Variants in MEI4 observed in about 807,000 individuals in gnomAD.
MEI4 encodes the protein meiotic double-stranded break formation protein 4, also known as meiosis-specific protein MEI4.
A neutral mutation model predicts 31.4 loss-of-function variants in MEI4; 27 were observed. That is an observed-to-expected ratio of 0.86 (90% CI 0.63 to 1.19). The LOEUF is 1.19. Among genes scored for constraint, MEI4 ranks in the 50% most tolerant of loss-of-function variants. The probability of loss-of-function intolerance (pLI) is 0.00; values close to 1 mark genes in which losing one functional copy is unlikely to be tolerated. For missense variants in MEI4, 329 were observed against 398.9 expected, an observed-to-expected ratio of 0.82 and a Z score of 1.49; for synonymous variants, 122 against 145.4, an observed-to-expected ratio of 0.84 and a Z score of 1.16.
chr6:77,747,610 C>A (rs186034434), intron 2 of MEI4, among the ~76,000 whole-genome samples: 2 of 152,220 alleles, frequency 1.3e-5, no homozygotes, highest in Non-Finnish European at 2.9e-5. Context: ...TCCCTTGATA[C>A]ATGGGGATTA....
At chr6:77,882,534 T>A (rs1385180086) in intron 4 of MEI4, among the ~76,000 whole-genome samples, 1 of 152,186 alleles carries the variant, frequency 6.6e-6, no homozygotes, top group Non-Finnish European at 1.5e-5. Context: ...ATTTTCACTT[T>A]TAGGAATGTC....
intron 4 of MEI4, among the ~76,000 whole-genome samples, chr6:77,877,522 A>G (rs181937601): frequency 1.3e-5 from 2 of 151,980 alleles, no homozygotes; most frequent in Non-Finnish European, 1.5e-5. Context: ...AGATTTTCCA[A>G]CCTTTTTGAC....
chr6:77,774,946 G>C (rs1322537079), intron 3 of MEI4, among the ~76,000 whole-genome samples: 1 of 152,038 alleles, frequency 6.6e-6, no homozygotes, highest in African/African-American at 2.4e-5. Context: ...ATATCTTCCT[G>C]TAGCATGAAA....
At chr6:77,745,890 A>C (rs1182609049) in intron 2 of MEI4, among the ~76,000 whole-genome samples, 1 of 152,238 alleles carries the variant, frequency 6.6e-6, no homozygotes, top group Non-Finnish European at 1.5e-5. Flanking sequence ...TAATGAAATG[A>C]AGGGAGAAAT....
chr6:77,783,860 A>C (rs1267668712), intron 3 of MEI4, among the ~76,000 whole-genome samples: 1 of 152,176 alleles, frequency 6.6e-6, no homozygotes, highest in Non-Finnish European at 1.5e-5. Context: ...TCCACTTATC[A>C]ATATATGTTT....
chr6:77,790,363 C>T (rs1187872379), intron 3 of MEI4, among the ~76,000 whole-genome samples: 5 of 151,474 alleles, frequency 3.3e-5, no homozygotes, highest in Admixed American at 6.6e-5. Context: ...GTAACCTGCA[C>T]GTTGTGCACA....
chr6:77,923,331 A>C lies in MEI4; in HGVS notation c.1143A>C (p.Glu381Asp), dbSNP rs745436660. The C allele has an allele frequency of 1.1e-5, 14 of 1,229,654 alleles. No individual in the cohort carries two copies. The highest frequency in any genetic ancestry group is 1.4e-5 in the Non-Finnish European group (14 of 986,368). The allele number at this position is 1,229,654 out of a possible 1,614,324, so 76.2% of individuals were successfully genotyped here. The change falls in exon 5 of 5, where the codon GAA becomes GAC. Residue 381 changes from glutamate (E) to aspartate (D), a missense_variant. Transcript: ENST00000684080. The part of the protein sequence containing the change: ...VGILLSSAQI[E>D]TLRK ...TTCTTTTGAGCTCAGCACAGATAGA[A>C]ACTCTTAGAAAATAACTCCATTCCT...
At chr6:77,783,374 G>T (rs1332504916) in intron 3 of MEI4, among the ~76,000 whole-genome samples, 1 of 152,114 alleles carries the variant, frequency 6.6e-6, no homozygotes, top group Non-Finnish European at 1.5e-5. Context: ...CTTTACAGAG[G>T]TGTTCAATTT....
At chr6:77,727,130 T>C (rs2127665582) in intron 2 of MEI4, among the ~76,000 whole-genome samples, 1 of 152,128 alleles carries the variant, frequency 6.6e-6, no homozygotes, top group African/African-American at 2.4e-5. Flanking sequence ...CAGATGTGAG[T>C]GGTGATTCTG....
chr6:77,867,278 T>C (rs1453355583), intron 4 of MEI4, among the ~76,000 whole-genome samples: 1 of 151,998 alleles, frequency 6.6e-6, no homozygotes, highest in African/African-American at 2.4e-5. Context: ...ACCATCAGAG[T>C]GAACAGGCAA....
chr6:77,903,951 C>T (rs555779038), intron 4 of MEI4, among the ~76,000 whole-genome samples: 1 of 152,172 alleles, frequency 6.6e-6, no homozygotes, highest in African/African-American at 2.4e-5. Context: ...ACTTAAAGGT[C>T]AAGTCAGTCA....
chr6:77,811,659 C>T (rs955371006), intron 3 of MEI4, among the ~76,000 whole-genome samples: 8 of 151,666 alleles, frequency 5.3e-5, no homozygotes, highest in African/African-American at 1.9e-4. Flanking sequence ...CCTTTAATCC[C>T]AGCTACTGAG....
chr6:77,716,824 G>T (rs1207879521), intron 2 of MEI4: 1 of 966,308 alleles, frequency 1.0e-6, no homozygotes, highest in Non-Finnish European at 1.2e-6. Flanking sequence ...TGAACAAGGA[G>T]AATATTTTCA....
intron 4 of MEI4, among the ~76,000 whole-genome samples, chr6:77,884,988 T>C (rs1771585046): frequency 6.6e-6 from 1 of 152,190 alleles, no homozygotes; most frequent in Non-Finnish European, 1.5e-5. Context: ...TCCCTGAGCA[T>C]GGAATGTTTT....
In MEI4 at chr6:77,879,962, G is replaced by T. The variant is rs573220122; in HGVS notation, c.901-43127G>T. On this transcript the variant is annotated intron_variant, in intron 4 of 4. Transcript: ENST00000684080. ...AAACTATCTCAAAAAATGCTATTCTGTTTGGGCACCTGTGCTTTAGAATGA... is the reference window on the plus strand; with the variant it reads ...AAACTATCTCAAAAAATGCTATTCTTTTTGGGCACCTGTGCTTTAGAATGA... Among the ~76,000 whole-genome samples, 97 of 152,280 alleles carry T rather than the reference G, an allele frequency of 6.4e-4. 2 individuals are homozygous for T. Among genetic ancestry groups the T allele is most frequent in the Middle Eastern group, 3.4e-3 (1 of 294 alleles).
At chr6:77,823,706 G>T (rs1769880764) in intron 3 of MEI4, among the ~76,000 whole-genome samples, 1 of 152,016 alleles carries the variant, frequency 6.6e-6, no homozygotes, top group South Asian at 2.1e-4. Context: ...GTTATTTCTT[G>T]GTTTAGACAA....
At chr6:77,746,837 C>G (rs1767623125) in intron 2 of MEI4, among the ~76,000 whole-genome samples, 1 of 151,828 alleles carries the variant, frequency 6.6e-6, no homozygotes, top group South Asian at 2.1e-4. Context: ...GGGATAGCCA[C>G]AATATTAGCT....
intron 3 of MEI4, among the ~76,000 whole-genome samples, chr6:77,780,433 G>A (rs1768563821): frequency 6.6e-6 from 1 of 152,252 alleles, no homozygotes; most frequent in African/African-American, 2.4e-5. Flanking sequence ...CAGCTAGTCA[G>A]GGCACGGCTG....
chr6:77,651,833 G>A (rs1230354444), upstream of MEI4, among the ~76,000 whole-genome samples: 1 of 152,072 alleles, frequency 6.6e-6, no homozygotes, highest in African/African-American at 2.4e-5. Flanking sequence ...CCATGAGTAT[G>A]TTTTTTATTC....
Sources: allele counts gnomAD v4.1 joint callset (sites outside exome capture counted in the v4.1 genomes callset), GRCh38; gene constraint gnomAD v4.1.1; transcripts MANE v1.5; gene names NCBI Gene and HGNC (gene_info 2026-07-23, HGNC 2026-07-21).